Variants in USP31 observed in about 807,000 individuals in gnomAD.
USP31 encodes the protein ubiquitin carboxyl-terminal hydrolase 31.
Under a neutral mutation model 119.4 loss-of-function variants are expected in USP31, and 44 were observed. That is an observed-to-expected ratio of 0.37 (90% confidence interval 0.29 to 0.47). The LOEUF is 0.47. USP31 is among the 20% of genes least tolerant of loss of function. The pLI is 0.99. For missense variants in USP31, 1,643 were observed against 1,730.2 expected (o/e 0.95, Z 0.89); for synonymous variants, 749 against 705.6 (o/e 1.06, Z -0.97).
intron 1 of USP31, among the ~76,000 whole-genome samples, chr16:23,113,440 G>A (rs979643097): frequency 3.9e-5 from 6 of 152,186 alleles, no homozygotes; most frequent in Admixed American, 2.0e-4. Context: ...AAGAAGCAAA[G>A]AGGTGGCAGC....
chr16:23,078,907 T>C (rs975169673), intron 13 of USP31: 4 of 152,270 alleles, frequency 2.6e-5, no homozygotes, highest in Non-Finnish European at 5.9e-5. Flanking sequence ...GAAATTCTGA[T>C]ACCTGCCACA....
At chr16:23,082,923 C>G (rs1900902134) in intron 11 of USP31, among the ~76,000 whole-genome samples, 1 of 145,166 alleles carries the variant, frequency 6.9e-6, no homozygotes, top group Non-Finnish European at 1.5e-5. Context: ...CTCCACCCAT[C>G]AGGCTCAAGT....
intron 6 of USP31, among the ~76,000 whole-genome samples, chr16:23,099,968 A>G (rs902483974): frequency 2.0e-5 from 3 of 152,250 alleles, no homozygotes; most frequent in African/African-American, 7.2e-5. Flanking sequence ...AATCAAAACC[A>G]TAATGAGATA....
intron 13 of USP31, among the ~76,000 whole-genome samples, chr16:23,075,126 T>A (rs1403093286): frequency 1.3e-5 from 2 of 152,170 alleles, no homozygotes; most frequent in African/African-American, 4.8e-5. Flanking sequence ...TAAGGACCTA[T>A]GAACGGAGGC....
chr16:23,102,545 A>T, intron 5 of USP31, 82 bp from the exon 6 acceptor site: 1 of 1,469,262 alleles, frequency 6.8e-7, no homozygotes, highest in Non-Finnish European at 9.1e-7. Flanking sequence ...ACTTCTCCAG[A>T]CCATCAGGAC....
In USP31 at chr16:23,068,924, GAGA is replaced by G. The variant is rs781638151; in HGVS notation, c.3178_3180del (p.Ser1060del). 17 of 1,611,360 alleles carry G rather than the reference GAGA, an allele frequency of 1.1e-5. No homozygotes were observed. The East Asian group carries it at 1.6e-4, about 15-fold the overall frequency. On this transcript the variant is annotated inframe_deletion, in exon 16 of 16. Transcript: ENST00000219689. ...TTTAGAGAGACTTTTACAGGAAGAG[GAGA>G]AGAAGGGGATGTACTTGAAAGGGAT...
At chr16:23,140,352 G>A (rs2141903006) in intron 1 of USP31, among the ~76,000 whole-genome samples, 1 of 152,282 alleles carries the variant, frequency 6.6e-6, no homozygotes, top group African/African-American at 2.4e-5. Context: ...GGAGTAGGGG[G>A]GAGTACAACC....
intron 1 of USP31, among the ~76,000 whole-genome samples, chr16:23,120,322 T>C (rs1054131131): frequency 2.0e-5 from 3 of 152,216 alleles, no homozygotes; most frequent in African/African-American, 7.2e-5. Flanking sequence ...TCATGAAACA[T>C]TACAAATGGT....
Position 23,148,921 on chromosome 16 carries a change from G to A in USP31, c.350C>T (p.Pro117Leu), listed in dbSNP as rs1903619077. The change falls in exon 1 of 16, where the codon CCC (proline) becomes CTC (leucine). Residue 117 changes from proline to leucine, a missense_variant. By Grantham distance (98) the Pro-to-Leu change is moderately conservative (BLOSUM62 -3). This residue lies in a region of USP31 where 302 missense variants were observed against 262.6 expected (regional missense o/e 1.15). Coordinates refer to ENST00000219689, the MANE Select transcript of USP31 (RefSeq NM_020718.4). ...CPPPPASPAP[P>L]ACAAEPVPGV... ...GGGCACCGGCTCGGCGGCGCAAGCG[G>A]GCGGCGCGGGAGAGGCGGGCGGCGG... The A allele has an allele frequency of 1.5e-6, 2 of 1,308,980 alleles. No individual in the cohort carries two copies. The highest frequency in any genetic ancestry group is 2.0e-6 in the Non-Finnish European group (2 of 1,023,024). 81.1% of individuals were successfully genotyped at this position (1,308,980 alleles called of 1,614,324 possible).
intron 1 of USP31, among the ~76,000 whole-genome samples, chr16:23,110,311 TTAAC>T (rs1287439773): frequency 6.6e-6 from 1 of 152,130 alleles, no homozygotes; most frequent in Non-Finnish European, 1.5e-5. Flanking sequence ...GACGGTGGTG[TTAAC>T]TAACAGACAA....
intron 6 of USP31, among the ~76,000 whole-genome samples, chr16:23,096,944 G>A (rs1401825236): frequency 6.6e-6 from 1 of 152,048 alleles, no homozygotes; most frequent in Admixed American, 6.5e-5. Flanking sequence ...AGAGAAGCAA[G>A]AGCAAACACA....
rs773070699 is a variant in USP31, at chr16:23,087,798, T to C, written c.1453A>G (p.Ile485Val). Residue 485 changes from isoleucine to valine, a missense_variant, in exon 8 of 16, where the codon ATA becomes GTA. Ile to Val is a conservative substitution (Grantham distance 29). Around this residue, in one of 5 missense-constraint regions of USP31, gnomAD observed 219 missense variants for 226.4 expected, o/e 0.97. Coordinates refer to ENST00000219689, the MANE Select transcript of USP31 (RefSeq NM_020718.4). ...TCCTTCTGCAGAAGGTCCCAAGCTATTGTCTTCTCTAAGTGCAGCACAAAA... is the reference window on the plus strand; with the variant it reads ...TCCTTCTGCAGAAGGTCCCAAGCTACTGTCTTCTCTAAGTGCAGCACAAAA... The part of the protein sequence containing the change: ...LPFVLHLEKT[I>V]AWDLLQKEIL... 6.2e-7 allele frequency: 1 copy of C among 1,614,040 alleles called. No individual in the cohort carries two copies. The highest frequency in any genetic ancestry group is 1.1e-5 in the South Asian group (1 of 91,084).
intron 1 of USP31, among the ~76,000 whole-genome samples, chr16:23,141,527 G>A (rs953537545): frequency 9.2e-5 from 14 of 152,172 alleles, no homozygotes; most frequent in African/African-American, 3.1e-4. Context: ...ACAGGTGTGT[G>A]CCACCACGCC....
rs758262128 is a variant in USP31, at chr16:23,068,535, C to T, written c.3570G>A (p.Arg1190=). Residue 1190 remains arginine (R), a synonymous_variant, in exon 16 of 16, where the codon AGG becomes AGA. Coordinates refer to ENST00000219689, the MANE Select transcript of USP31 (RefSeq NM_020718.4). The part of the protein sequence containing the change: ...RVSQARAGEG[R]GAGKHVRSSS... ...AGCTCCGCACGTGCTTCCCGGCCCC[C>T]CTGCCCTCCCCTGCTCGGGCCTGGC... The T allele has an allele frequency of 8.1e-6, 13 of 1,613,842 alleles. No homozygotes were observed. Among genetic ancestry groups the T allele is most frequent in the African/African-American group, 4.0e-5 (3 of 74,932 alleles).
At chr16:23,120,036 TTAAC>T (rs1902616680) in intron 1 of USP31, among the ~76,000 whole-genome samples, 1 of 152,236 alleles carries the variant, frequency 6.6e-6, no homozygotes, top group Non-Finnish European at 1.5e-5. Flanking sequence ...CAAAATGTAT[TTAAC>T]TACCCAATCA....
chr16:23,105,714 A>G, intron 4 of USP31, 138 bp from the exon 5 acceptor site: 1 of 976,576 alleles, frequency 1.0e-6, no homozygotes, highest in Non-Finnish European at 1.4e-6. Context: ...AAATGGAAAA[A>G]TTTCACTTGG....
At chr16:23,089,487 T>C (rs1433592749) in intron 7 of USP31, among the ~76,000 whole-genome samples, 2 of 152,208 alleles carry the variant, frequency 1.3e-5, no homozygotes, top group Non-Finnish European at 2.9e-5. Context: ...TTTAGAACCA[T>C]GCCCAACACA....
rs1900182317 is a variant in USP31 at position 23,068,409 on chromosome 16, G to C, written c.3696C>G (p.Ala1232=). 1 of 1,613,860 alleles carries C rather than the reference G, an allele frequency of 6.2e-7. No individual in the cohort carries two copies. Among genetic ancestry groups the C allele is most frequent in the Non-Finnish European group, 8.5e-7 (1 of 1,180,036 alleles). Residue 1232 remains alanine (A), a synonymous_variant, in exon 16 of 16, where the codon GCC becomes GCG. Coordinates refer to ENST00000219689, the MANE Select transcript of USP31 (RefSeq NM_020718.4). ...EDKGLSFFKS[A]LRQKETRRST... Reference sequence around the variant, plus strand: ...AGCGCCGGGTTTCCTTCTGTCTCAAGGCTGATTTGAAGAAGGACAGCCCCT... The same window carrying C: ...AGCGCCGGGTTTCCTTCTGTCTCAACGCTGATTTGAAGAAGGACAGCCCCT...
At position 23,090,806 on chromosome 16, in the gene USP31, T is replaced by A; in HGVS notation, c.1235-2A>T. On this transcript the variant is annotated splice_acceptor_variant, in intron 6 of 15. Coordinates refer to ENST00000219689, the MANE Select transcript of USP31 (RefSeq NM_020718.4). LOFTEE classifies it high-confidence loss of function. The stretch of plus-strand genomic sequence containing the variant: ...TTAGGTTGTTGTTTAAATGAATTCC[T>A]GAAACAGAATAAAAACAACTCATTT... 6.5e-7 allele frequency: 1 copy of A among 1,535,518 alleles called. No homozygotes were observed. The highest frequency in any genetic ancestry group is 8.9e-7 in the Non-Finnish European group (1 of 1,125,822).
Sources: allele counts gnomAD v4.1 joint callset (sites outside exome capture counted in the v4.1 genomes callset), GRCh38; gene constraint gnomAD v4.1.1; regional missense constraint gnomAD v4.1.1; transcripts MANE v1.5; gene names NCBI Gene and HGNC (gene_info 2026-07-23, HGNC 2026-07-21).